PLAC1: variants seen among roughly 807,000 people sequenced by gnomAD.
PLAC1 encodes placenta associated 1.
For synonymous variants in PLAC1, 68 were observed against 62.1 expected, an observed-to-expected ratio of 1.09 and a Z score of -0.44; for missense variants, 136 against 163.2, an observed-to-expected ratio of 0.83 and a Z score of 0.91.
chrX:134,612,470 A>G (rs773242973), intron 1 of PLAC1, among the ~76,000 whole-genome samples: 1 of 112,351 alleles, frequency 8.9e-6, no homozygotes, highest in Non-Finnish European at 1.9e-5. Flanking sequence ...TATAAGCTAA[A>G]AACTACTTGC....
At position 134,727,739 on chromosome X, in the gene PLAC1, T is replaced by C. The variant is rs1380305291; in HGVS notation, n.174+5696A>G. ...AAAATGCCCAGTTTTCAACAAAAAA[T>C]GTATGGGATCTGCAAAGAAATAGCC... On this transcript the variant is annotated intron_variant and non_coding_transcript_variant, in intron 2 of 2. Coordinates refer to the PLAC1 transcript ENST00000466797. Among the ~76,000 whole-genome samples the C allele has an allele frequency of 3.6e-5, 4 of 111,926 alleles. No homozygotes were observed. In the East Asian group the frequency reaches 1.1e-3, roughly 31 times the overall value.
intron 1 of PLAC1, among the ~76,000 whole-genome samples, chrX:134,656,358 C>T (rs774075779): frequency 4.1e-4 from 46 of 111,162 alleles, no homozygotes; most frequent in African/African-American, 1.4e-3. Flanking sequence ...ACAGTTGTGC[C>T]TACCTCTCAA....
chrX:134,579,958 C>T (rs1046545593), intron 2 of PLAC1, among the ~76,000 whole-genome samples: 2 of 111,925 alleles, frequency 1.8e-5, no homozygotes, highest in African/African-American at 6.5e-5. Flanking sequence ...TCTGCATTTA[C>T]GCTGGGTATA....
chrX:134,690,292 A>G (rs1409753332), intron 2 of PLAC1, among the ~76,000 whole-genome samples: 1 of 112,437 alleles, frequency 8.9e-6, no homozygotes, highest in Non-Finnish European at 1.9e-5. Context: ...TATAATTAAA[A>G]TATGAAGTTT....
intron 2 of PLAC1, among the ~76,000 whole-genome samples, chrX:134,596,879 G>A (rs1159654322): frequency 9.0e-6 from 1 of 110,814 alleles, no homozygotes; most frequent in Admixed American, 9.7e-5. Context: ...TTATAGGCAC[G>A]AGCCACTCTG....
intron 2 of PLAC1, among the ~76,000 whole-genome samples, chrX:134,699,551 C>A (rs932114455): frequency 8.9e-6 from 1 of 112,465 alleles, no homozygotes; most frequent in African/African-American, 3.2e-5. Context: ...ATTTTACTAT[C>A]TATATGTGTC....
intron 1 of PLAC1, among the ~76,000 whole-genome samples, chrX:134,639,171 C>T (rs2078296809): frequency 9.0e-6 from 1 of 111,610 alleles, no homozygotes; most frequent in South Asian, 3.7e-4. Context: ...CACCCATCAC[C>T]TTGGCTACAT....
intron 1 of PLAC1, among the ~76,000 whole-genome samples, chrX:134,645,274 C>T (rs1379526205): frequency 8.9e-6 from 1 of 112,380 alleles, no homozygotes; most frequent in African/African-American, 3.2e-5. Flanking sequence ...TTTATTTTCT[C>T]AAGTGAGATA....
At chrX:134,588,599 C>A (rs2078018651) in intron 2 of PLAC1, among the ~76,000 whole-genome samples, 1 of 110,176 alleles carries the variant, frequency 9.1e-6, no homozygotes, top group Admixed American at 9.8e-5. Context: ...AATGATCTCA[C>A]CAGAGCACCA....
chrX:134,663,302 G>T (rs996463318), upstream of PLAC1, among the ~76,000 whole-genome samples: 2 of 112,921 alleles, frequency 1.8e-5, no homozygotes, highest in Non-Finnish European at 3.7e-5. Flanking sequence ...GTTGGATATG[G>T]ATACAAGAGT....
Position 134,734,868 on chromosome X carries a change from C to T in PLAC1, n.90-1349G>A, listed in dbSNP as rs190668331. 3.6e-5 allele frequency among the ~76,000 whole-genome samples: 4 copies of T among 110,572 alleles called. No homozygotes were observed. The East Asian group carries it at 1.1e-3, about 32-fold the overall frequency. On this transcript the variant is annotated intron_variant and non_coding_transcript_variant, in intron 1 of 2. Coordinates refer to the PLAC1 transcript ENST00000466797. ...GAGAATAATGCCTCCCTCCCCACCA[C>T]CTCCCACCCCCTGGACTGCTGGGGC...
chrX:134,691,650 C>T (rs755508340), intron 2 of PLAC1, among the ~76,000 whole-genome samples: 2 of 111,767 alleles, frequency 1.8e-5, no homozygotes, highest in Admixed American at 9.5e-5. Context: ...TAGGACGGCC[C>T]TTCTGGAAAT....
chrX:134,567,673 G>A (rs1045773725), intron 2 of PLAC1, among the ~76,000 whole-genome samples: 34 of 107,920 alleles, frequency 3.2e-4, no homozygotes, highest in East Asian at 1.2e-3. Context: ...TGGGAGGATC[G>A]CTTGAGCCTT....
intron 2 of PLAC1, among the ~76,000 whole-genome samples, chrX:134,681,054 A>C (rs1437151899): frequency 9.0e-6 from 1 of 111,597 alleles, no homozygotes; most frequent in Non-Finnish European, 1.9e-5. Flanking sequence ...AAGATTCTGC[A>C]TGACCAAGGT....
intron 2 of PLAC1, among the ~76,000 whole-genome samples, chrX:134,729,565 C>T (rs1022893170): frequency 4.5e-5 from 5 of 111,001 alleles, no homozygotes; most frequent in African/African-American, 1.6e-4. Context: ...AGTTTCCAAA[C>T]GGGACTGACA....
chrX:134,651,956 T>C (rs924784431), intron 1 of PLAC1, among the ~76,000 whole-genome samples: 1 of 111,569 alleles, frequency 9.0e-6, no homozygotes, highest in Non-Finnish European at 1.9e-5. Context: ...TCTTAATTTC[T>C]ACGGGGGGAG....
intron 1 of PLAC1, among the ~76,000 whole-genome samples, chrX:134,739,694 G>C (rs753152380): frequency 8.9e-6 from 1 of 112,983 alleles, no homozygotes; most frequent in East Asian, 2.8e-4. Context: ...CCTTTCGAAA[G>C]GTCTGGGCAC....
chrX:134,651,840 A>G (rs2078365091), intron 1 of PLAC1, among the ~76,000 whole-genome samples: 2 of 109,752 alleles, frequency 1.8e-5, no homozygotes, highest in Middle Eastern at 9.4e-3. Context: ...GGCTGGAGAG[A>G]TTGCTTCCCC....
At chrX:134,679,423 G>A (rs1320164425) in intron 2 of PLAC1, among the ~76,000 whole-genome samples, 3 of 111,017 alleles carry the variant, frequency 2.7e-5, no homozygotes, top group Non-Finnish European at 3.8e-5. Context: ...GTGGAGAAGA[G>A]TGCTGAAAAG....
Sources: allele counts gnomAD v4.1 joint callset (sites outside exome capture counted in the v4.1 genomes callset), GRCh38; gene constraint gnomAD v4.1.1; transcripts MANE v1.5; gene names NCBI Gene and HGNC (gene_info 2026-07-23, HGNC 2026-07-21).